Variants in HIVEP3 observed in about 807,000 individuals in gnomAD.
HIVEP3 encodes the protein HIVEP zinc finger 3, also known as transcription factor HIVEP3.
A neutral mutation model predicts 152.8 loss-of-function variants in HIVEP3; 49 were observed. The observed-to-expected ratio is 0.32, with a 90% confidence interval of 0.26 to 0.41. The LOEUF is 0.41. HIVEP3 is among the 10% of genes least tolerant of loss of function. The pLI is 1.00. For synonymous variants in HIVEP3, 1,269 were observed against 1,289.0 expected (o/e 0.98, Z 0.33); for missense variants, 2,790 against 3,103.3 (o/e 0.90, Z 2.40).
At chr1:41,972,946 G>A (rs1309784069) in intron 1 of HIVEP3, among the ~76,000 whole-genome samples, 1 of 151,808 alleles carries the variant, frequency 6.6e-6, no homozygotes, top group South Asian at 2.1e-4. Context: ...ATTATATAAT[G>A]CAAGTCTCCT....
intron 1 of HIVEP3, among the ~76,000 whole-genome samples, chr1:42,003,899 T>G (rs1370401764): frequency 6.6e-6 from 1 of 152,150 alleles, no homozygotes; most frequent in African/African-American, 2.4e-5. Context: ...ATTAAGCTGC[T>G]GTTAAATGTG....
At chr1:41,631,574 A>C (rs916897530) in intron 2 of HIVEP3, among the ~76,000 whole-genome samples, 3 of 152,000 alleles carry the variant, frequency 2.0e-5, no homozygotes, top group African/African-American at 7.3e-5. Flanking sequence ...ATTCCTACAG[A>C]GCATACAGGT....
At chr1:41,520,203 G>C (rs1642724169) in intron 6 of HIVEP3, among the ~76,000 whole-genome samples, 1 of 152,172 alleles carries the variant, frequency 6.6e-6, no homozygotes, top group Admixed American at 6.5e-5. Context: ...TTTGCTAAGA[G>C]GTTAATGGGG....
chr1:41,685,861 C>T (rs565006135), intron 2 of HIVEP3, among the ~76,000 whole-genome samples: 1 of 152,088 alleles, frequency 6.6e-6, no homozygotes, highest in African/African-American at 2.4e-5. Context: ...CTCTCCAACC[C>T]GCCTCTCTGT....
chr1:41,978,768 G>A (rs1420683654), intron 1 of HIVEP3, among the ~76,000 whole-genome samples: 7 of 152,284 alleles, frequency 4.6e-5, no homozygotes, highest in African/African-American at 7.2e-5. Context: ...AGGAGGAGAA[G>A]CATGGGAGCC....
At chr1:42,026,563 C>A (rs1467352564) in intron 1 of HIVEP3, among the ~76,000 whole-genome samples, 1 of 152,148 alleles carries the variant, frequency 6.6e-6, no homozygotes, top group Non-Finnish European at 1.5e-5. Flanking sequence ...TATCACTGAG[C>A]TGAGTTTTCC....
At chr1:41,878,514 C>A (rs1317526895) in intron 1 of HIVEP3, among the ~76,000 whole-genome samples, 1 of 152,170 alleles carries the variant, frequency 6.6e-6, no homozygotes, top group African/African-American at 2.4e-5. Context: ...TAGTTTACAA[C>A]CACCTTTGCA....
chr1:41,999,715 C>T (rs1312532403), intron 1 of HIVEP3, among the ~76,000 whole-genome samples: 1 of 152,060 alleles, frequency 6.6e-6, no homozygotes, highest in Non-Finnish European at 1.5e-5. Flanking sequence ...AACAAGCCAG[C>T]AAGAACCTAA....
chr1:42,006,429 G>C (rs771506961), intron 1 of HIVEP3, among the ~76,000 whole-genome samples: 5 of 151,974 alleles, frequency 3.3e-5, no homozygotes, highest in African/African-American at 4.8e-5. Flanking sequence ...TTTGTTTATG[G>C]GGTAATATCT....
chr1:41,650,503 T>G (rs1645531810), intron 2 of HIVEP3, among the ~76,000 whole-genome samples: 1 of 152,034 alleles, frequency 6.6e-6, no homozygotes, highest in Admixed American at 6.5e-5. Flanking sequence ...ACAATAATCC[T>G]GTAATGTAAA....
chr1:41,907,935 A>G (rs1644740028), intron 1 of HIVEP3, among the ~76,000 whole-genome samples: 1 of 152,174 alleles, frequency 6.6e-6, no homozygotes, highest in Non-Finnish European at 1.5e-5. Flanking sequence ...GGAGAACTAG[A>G]TGCTTTCACT....
intron 5 of HIVEP3, chr1:41,542,801 A>T (rs1218691511): frequency 1.8e-5 from 3 of 165,004 alleles, no homozygotes; most frequent in African/African-American, 4.8e-5. Flanking sequence ...CTCCTATGAC[A>T]CATGATCCGT....
At chr1:41,618,758 G>A (rs1011015589) in intron 3 of HIVEP3, among the ~76,000 whole-genome samples, 25 of 152,224 alleles carry the variant, frequency 1.6e-4, no homozygotes, top group African/African-American at 6.0e-4. Flanking sequence ...TTTTCCAGAT[G>A]AGGAAACTGA....
chr1:41,859,168 G>T (rs1643850955), intron 1 of HIVEP3, among the ~76,000 whole-genome samples: 1 of 152,152 alleles, frequency 6.6e-6, no homozygotes, highest in Non-Finnish European at 1.5e-5. Flanking sequence ...TGCCCCTAGG[G>T]TCTGTTTACT....
Position 41,871,788 on chromosome 1 carries a change from G to A in HIVEP3, c.-801+46625C>T, listed in dbSNP as rs373897992. On this transcript the variant is annotated intron_variant, in intron 1 of 8. Coordinates refer to ENST00000372583, the MANE Select transcript of HIVEP3 (RefSeq NM_024503.5). ...ACCTTCAATGAGTTAACAGGAACCC[G>A]TAGATAAAAGACAAGAATAGGGCTA... Among the ~76,000 whole-genome samples, 8 of 152,278 alleles carry A rather than the reference G, an allele frequency of 5.3e-5. No individual in the cohort carries two copies. The South Asian group carries it at 8.3e-4, about 16-fold the overall frequency.
At chr1:42,024,119 C>T (rs1263511271) in intron 1 of HIVEP3, among the ~76,000 whole-genome samples, 2 of 152,150 alleles carry the variant, frequency 1.3e-5, no homozygotes, top group African/African-American at 4.8e-5. Context: ...CTTAGTTCTC[C>T]TTTAAAATGT....
chr1:41,984,735 A>G (rs1018180233), intron 1 of HIVEP3, among the ~76,000 whole-genome samples: 1 of 152,228 alleles, frequency 6.6e-6, no homozygotes, highest in Non-Finnish European at 1.5e-5. Context: ...GGGAAGGGCT[A>G]CTGCTGGCCA....
chr1:41,514,710 G>C (rs1004877256), intron 7 of HIVEP3, among the ~76,000 whole-genome samples: 10 of 152,214 alleles, frequency 6.6e-5, no homozygotes, highest in African/African-American at 2.4e-4. Context: ...GTCCACTTTG[G>C]ACATCTGACT....
At chr1:41,681,379 G>C (rs1646036422) in intron 2 of HIVEP3, among the ~76,000 whole-genome samples, 1 of 152,214 alleles carries the variant, frequency 6.6e-6, no homozygotes, top group South Asian at 2.1e-4. Context: ...CATCCGTGCA[G>C]CACCGTGCTG....
Sources: allele counts gnomAD v4.1 joint callset (sites outside exome capture counted in the v4.1 genomes callset), GRCh38; gene constraint gnomAD v4.1.1; transcripts MANE v1.5; gene names NCBI Gene and HGNC (gene_info 2026-07-23, HGNC 2026-07-21).